The following PCNT variants were observed in gnomAD, a reference collection of about 807,000 sequenced individuals.
The protein encoded by PCNT is kendrin.
PCNT carries 319 observed loss-of-function variants against 380.4 expected under a neutral mutation model. The observed-to-expected ratio is 0.84, with a 90% CI of 0.77 to 0.92. The LOEUF is 0.92. PCNT is among the 40% of genes least tolerant of loss of function. PCNT has a pLI of 0.00. For missense variants in PCNT, 4,400 were observed against 4,255.3 expected, an observed-to-expected ratio of 1.03 and a Z score of -0.95; for synonymous variants, 1,845 against 1,735.2, an observed-to-expected ratio of 1.06 and a Z score of -1.57.
rs759569235 is a variant in PCNT at position 46,430,167 on chromosome 21, C to T, written c.7848C>T (p.Ser2616=). ...ATTTGAAGTCCGACCTCTGTGAGAGCAGGCAGAAGAGCGAACAGCTGTCCC... is the reference window on the plus strand; with the variant it reads ...ATTTGAAGTCCGACCTCTGTGAGAGTAGGCAGAAGAGCGAACAGCTGTCCC... ...VRDLKSDLCE[S]RQKSEQLSRS... The change falls in exon 36 of 47, where the codon AGC becomes AGT. Residue 2616 remains serine (S), a synonymous_variant. Coordinates refer to ENST00000359568, the MANE Select transcript of PCNT (RefSeq NM_006031.6). 11 of 1,614,044 alleles carry T rather than the reference C, an allele frequency of 6.8e-6. No homozygotes were observed. The Admixed American group carries it at 1.8e-4, about 27-fold the overall frequency.
rs1601795610 is a variant in PCNT, at chr21:46,346,919, G to A, written c.897G>A (p.Gln299=). The change falls in exon 5 of 47, where the codon CAG becomes CAA. Residue 299 remains glutamine (Q), a synonymous_variant. Coordinates refer to ENST00000359568, the MANE Select transcript of PCNT (RefSeq NM_006031.6). ...AQELALLQSR[Q]QHELELLREQ... ...AGCTGGCCCTGCTACAGAGCAGGCA[G>A]CAGCACGAGCTGGAGCTCCTCAGGG... is the stretch of plus-strand genomic sequence containing the variant. The A allele has an allele frequency of 1.2e-6, 2 of 1,600,896 alleles. No homozygotes were observed. The highest frequency in any genetic ancestry group is 1.7e-6 in the Non-Finnish European group (2 of 1,175,148).
intron 36 of PCNT, 131 bp downstream of exon 36, chr21:46,430,363 G>A: frequency 1.4e-6 from 2 of 1,395,166 alleles, no homozygotes; most frequent in African/African-American, 2.9e-5. Context: ...GCGCCCTGCT[G>A]TCCCTGGGTT....
intron 12 of PCNT, 92 bp from the exon 13 acceptor site, chr21:46,356,882 A>G: frequency 9.7e-7 from 1 of 1,030,364 alleles, no homozygotes. Flanking sequence ...TGTCAGAAGC[A>G]TTTATAGGTT....
rs55917658 is a variant in PCNT, at chr21:46,403,924, C to T, written c.5115+1441C>T. 6.4e-3 allele frequency among the ~76,000 whole-genome samples: 870 copies of T among 136,980 alleles called. 28 individuals carry two copies. The highest frequency in any genetic ancestry group is 0.011 in the Non-Finnish European group (644 of 61,000). 89.9% of individuals were successfully genotyped at this position (136,980 alleles called of 152,430 possible). A position where few individuals can be genotyped will look rare whatever the true frequency, so the allele number is the denominator to read the frequency against. Reference sequence around the variant, plus strand: ...GGGAGAATTGTGTGTGTGGTGCCCACGCGGCGCGTGCTCGGTGAATGAACA... The same window carrying T: ...GGGAGAATTGTGTGTGTGGTGCCCATGCGGCGCGTGCTCGGTGAATGAACA... On this transcript the variant is annotated intron_variant, in intron 27 of 46. Coordinates refer to ENST00000359568, the MANE Select transcript of PCNT (RefSeq NM_006031.6).
At chr21:46,410,514 G>A (rs2086751653) in intron 27 of PCNT, among the ~76,000 whole-genome samples, 1 of 152,212 alleles carries the variant, frequency 6.6e-6, no homozygotes, top group African/African-American at 2.4e-5. Context: ...GAGCTATATT[G>A]ACATACATCT....
intron 2 of PCNT, among the ~76,000 whole-genome samples, chr21:46,332,743 G>A (rs548928623): frequency 9.5e-4 from 144 of 152,326 alleles, no homozygotes; most frequent in African/African-American, 3.4e-3. Flanking sequence ...TAATGATCCC[G>A]AAAAGTCGAC....
At chr21:46,389,802 G>A (rs1175446799) in intron 19 of PCNT, among the ~76,000 whole-genome samples, 2 of 152,006 alleles carry the variant, frequency 1.3e-5, no homozygotes, top group African/African-American at 4.8e-5. Context: ...CTTTTTTTCA[G>A]CCAGGCACAG....
At chr21:46,372,272 C>T (rs1268407839) in intron 15 of PCNT, among the ~76,000 whole-genome samples, 1 of 151,224 alleles carries the variant, frequency 6.6e-6, no homozygotes, top group East Asian at 1.9e-4. Flanking sequence ...ACGTGTAGCA[C>T]ATGCATGCAC....
chr21:46,325,416 G>C (rs1180095603), intron 1 of PCNT, among the ~76,000 whole-genome samples: 1 of 152,236 alleles, frequency 6.6e-6, no homozygotes, highest in Non-Finnish European at 1.5e-5. Context: ...ACAAGACGCC[G>C]CCTGTAGGGC....
intron 27 of PCNT, among the ~76,000 whole-genome samples, chr21:46,410,211 GTGT>G (rs571754760): frequency 3.7e-3 from 566 of 152,358 alleles, no homozygotes; most frequent in Middle Eastern, 6.8e-3. Flanking sequence ...TAAATGCATG[GTGT>G]TGTTCATCGG....
chr21:46,405,722 A>G (rs994431666), intron 27 of PCNT, among the ~76,000 whole-genome samples: 3 of 152,204 alleles, frequency 2.0e-5, no homozygotes, highest in African/African-American at 7.2e-5. Context: ...TTTAAAAACC[A>G]TTGATTACTT....
chr21:46,411,126 T>C (rs2086770419), intron 27 of PCNT, 63 bp from the exon 28 acceptor site: 1 of 1,517,614 alleles, frequency 6.6e-7, no homozygotes, highest in Non-Finnish European at 9.1e-7. Context: ...TAACGTGCCC[T>C]GAAGTAGGGA....
At chr21:46,350,113 A>T (rs2084212741) in intron 8 of PCNT, among the ~76,000 whole-genome samples, 1 of 152,146 alleles carries the variant, frequency 6.6e-6, no homozygotes, top group Non-Finnish European at 1.5e-5. Flanking sequence ...TAGGAGGTGG[A>T]GGTTGCAGTG....
chr21:46,326,401 A>G lies in PCNT; in HGVS notation c.79A>G (p.Thr27Ala), dbSNP rs563059073. ...TKLAHFRQRK[T>A]KGDSSHSEKK... ...GCTTGCTCACTTCCGACAGAGAAAA[A>G]CAAAAGGTGACAGTTCGCATTCGGA... Residue 27 changes from threonine to alanine, a missense_variant, in exon 2 of 47, where the codon ACA becomes GCA. Physicochemically the swap from Thr to Ala is moderately conservative, Grantham distance 58. Coordinates refer to ENST00000359568, the MANE Select transcript of PCNT (RefSeq NM_006031.6). 1.2e-6 allele frequency: 2 copies of G among 1,614,234 alleles called. No individual in the cohort carries two copies. The highest frequency in any genetic ancestry group is 2.7e-5 in the African/African-American group (2 of 75,064).
rs565425280 is a variant in PCNT at position 46,365,641 on chromosome 21, G to A, written c.2610-943G>A. Among the ~76,000 whole-genome samples, 5 of 145,436 alleles carry A rather than the reference G, an allele frequency of 3.4e-5. No individual in the cohort carries two copies. In the South Asian group the frequency reaches 8.9e-4, roughly 26 times the overall value. Reference sequence around the variant, plus strand: ...CGTGGGGTTCTGATCACTGCCATGGGGTTCTATTCACTGCCATGGGGGTTC... The same window carrying A: ...CGTGGGGTTCTGATCACTGCCATGGAGTTCTATTCACTGCCATGGGGGTTC... On this transcript the variant is annotated intron_variant, in intron 14 of 46. Coordinates refer to ENST00000359568, the MANE Select transcript of PCNT (RefSeq NM_006031.6).
At chr21:46,400,837 G>A (rs773304643) in intron 25 of PCNT, among the ~76,000 whole-genome samples, 5 of 152,138 alleles carry the variant, frequency 3.3e-5, no homozygotes, top group Non-Finnish European at 7.4e-5. Flanking sequence ...TCTGATTCTC[G>A]TAAGTGCTGA....
At position 46,418,148 on chromosome 21, in the gene PCNT, C is replaced by T. The variant is rs1277275301; in HGVS notation, c.6922-56C>T. On this transcript the variant is annotated intron_variant, in intron 30 of 46. Coordinates refer to ENST00000359568, the MANE Select transcript of PCNT (RefSeq NM_006031.6). ...TTTGAAAGTTTTCACCTGGCAAAGTCAGCGCTATGATGTAATTACTCATTA... is the reference window on the plus strand; with the variant it reads ...TTTGAAAGTTTTCACCTGGCAAAGTTAGCGCTATGATGTAATTACTCATTA... 4.5e-6 allele frequency: 5 copies of T among 1,111,894 alleles called. No homozygotes were observed. In the East Asian group the frequency reaches 9.4e-5, roughly 21 times the overall value. 68.9% of individuals were successfully genotyped at this position (1,111,894 alleles called of 1,614,324 possible).
In PCNT at chr21:46,354,007, A is replaced by G; in HGVS notation, c.1700A>G (p.Glu567Gly). The change falls in exon 11 of 47, where the codon GAA becomes GGA. Residue 567 changes from glutamate (E) to glycine (G), a missense_variant. By Grantham distance (98) the Glu-to-Gly change is moderately conservative. Coordinates refer to ENST00000359568, the MANE Select transcript of PCNT (RefSeq NM_006031.6). Reference protein sequence around the residue: ...VEVGLSCVGLEEKPEKGRKDH... With the variant: ...VEVGLSCVGLGEKPEKGRKDH... Reference sequence around the variant, plus strand: ...TTCAGGTTGTCCTGTGTGGGTTTAGAAGAGAAACCTGAGAAAGGAAGAAAA... The same window carrying G: ...TTCAGGTTGTCCTGTGTGGGTTTAGGAGAGAAACCTGAGAAAGGAAGAAAA... 6.2e-7 allele frequency: 1 copy of G among 1,614,016 alleles called. No homozygotes were observed. Among genetic ancestry groups the G allele is most frequent in the Non-Finnish European group, 8.5e-7 (1 of 1,179,940 alleles).
rs1388107650 is a variant in PCNT at position 46,352,646 on chromosome 21, T to G, written c.1457-458T>G. On this transcript the variant is annotated intron_variant, in intron 9 of 46. Transcript: ENST00000359568. ...GCTGTGTAACAAATTATCACAAACT[T>G]GGTGGCCTAAAACAACACAGTTGTC... 2.0e-5 allele frequency among the ~76,000 whole-genome samples: 3 copies of G among 152,328 alleles called. No homozygotes were observed. In the East Asian group the frequency reaches 5.8e-4, roughly 29 times the overall value.
Sources: gnomAD v4.1 joint callset for allele counts (sites outside exome capture counted in the v4.1 genomes callset) on GRCh38, gnomAD v4.1.1 for gene constraint, MANE v1.5 for transcripts, NCBI Gene and HGNC (gene_info 2026-07-23, HGNC 2026-07-21) for gene names.